Variants in IFT88 observed in about 807,000 individuals in gnomAD.
IFT88 encodes intraflagellar transport protein 88 homolog.
In IFT88, 74 loss-of-function variants were observed where a neutral mutation model predicts 119.5. That is an observed-to-expected ratio of 0.62 (90% CI 0.51 to 0.75). IFT88 has a LOEUF of 0.75. Among genes scored for constraint, IFT88 ranks in the 30% least tolerant of loss-of-function variants. The probability of loss-of-function intolerance (pLI) is 0.00; values close to 1 mark genes in which losing one functional copy is unlikely to be tolerated. For synonymous variants in IFT88, 279 were observed against 316.7 expected (o/e 0.88, Z 1.26); for missense variants, 961 against 977.7 (o/e 0.98, Z 0.23).
intron 14 of IFT88, among the ~76,000 whole-genome samples, chr13:20,617,348 A>G (rs2045796489): frequency 1.3e-5 from 2 of 151,888 alleles, no homozygotes; most frequent in Non-Finnish European, 2.9e-5. Context: ...GGAATTGTAA[A>G]CTTTAGTTGG....
rs973839736 is a variant in IFT88, at chr13:20,638,384, A to G, written c.1439A>G (p.Asp480Gly). Reference sequence around the variant, plus strand: ...TATGCAGATATAGCTGTGAACTCTGATAGATATAATCCAGCAGCTCTTACT... The same window carrying G: ...TATGCAGATATAGCTGTGAACTCTGGTAGATATAATCCAGCAGCTCTTACT... ...SSYADIAVNS[D>G]RYNPAALTNK... is the part of the protein sequence containing the mutation. The change falls in exon 17 of 26, where the codon GAT (aspartate) becomes GGT (glycine). Residue 480 changes from aspartate to glycine, a missense_variant. By Grantham distance (94) the Asp-to-Gly change is moderately conservative. Coordinates refer to ENST00000351808, the MANE Select transcript of IFT88 (RefSeq NM_006531.5). 2.0e-6 allele frequency: 3 copies of G among 1,495,208 alleles called. No individual in the cohort carries two copies. The highest frequency in any genetic ancestry group is 2.7e-6 in the Non-Finnish European group (3 of 1,126,202). 92.6% of individuals were successfully genotyped at this position (1,495,208 alleles called of 1,614,324 possible). A position where few individuals can be genotyped will look rare whatever the true frequency, so the allele number is the denominator to read the frequency against.
chr13:20,643,410 TAATG>T lies in IFT88; in HGVS notation c.1683-41_1683-38del, dbSNP rs765434251. On this transcript the variant is annotated intron_variant, in intron 18 of 25. Transcript: ENST00000351808. The stretch of plus-strand genomic sequence containing the variant: ...ATGTTTTTTAAGTTTGCTTATTGCT[TAATG>T]AATTTAGAAAACATGTTTTCCTTAA... 2.0e-6 allele frequency: 3 copies of T among 1,468,818 alleles called. No individual in the cohort carries two copies. In the Admixed American group the frequency reaches 6.1e-5, roughly 30 times the overall value. 91.0% of individuals were successfully genotyped at this position (1,468,818 alleles called of 1,614,324 possible).
At chr13:20,683,315 G>A (rs1470759538) in intron 24 of IFT88, among the ~76,000 whole-genome samples, 1 of 152,086 alleles carries the variant, frequency 6.6e-6, no homozygotes, top group Non-Finnish European at 1.5e-5. Context: ...CCTTCCGCTT[G>A]AAGCAGTTTC....
chr13:20,574,311 C>T (rs2137964327), intron 1 of IFT88, 69 bp from the exon 2 acceptor site: 1 of 791,242 alleles, frequency 1.3e-6, no homozygotes, highest in African/African-American at 1.8e-5. Context: ...CAGAGCAAGA[C>T]ATATCTCAAA....
rs1424085355 is a variant in IFT88, at chr13:20,607,361, G to T, written c.1112+2256G>T. ...CTTCTGGAAGGTGCCCATGTCCTAT[G>T]CACACACCATTAAGGCCACCATGCC... On this transcript the variant is annotated intron_variant, in intron 13 of 25. Transcript: ENST00000351808. 1.4e-5 allele frequency: 8 copies of T among 563,148 alleles called. No homozygotes were observed. In the Admixed American group the frequency reaches 1.5e-4, roughly 11 times the overall value. The allele number at this position is 563,148 out of a possible 1,614,324, so 34.9% of individuals were successfully genotyped here.
intron 6 of IFT88, 128 bp downstream of exon 6, chr13:20,591,809 T>A: frequency 1.6e-6 from 1 of 613,444 alleles, no homozygotes; most frequent in Non-Finnish European, 2.8e-6. Context: ...TGCACTGATA[T>A]TTTAGGTACC....
At position 20,638,369 on chromosome 13, in the gene IFT88, T is replaced by C. The variant is rs369442351; in HGVS notation, c.1424T>C (p.Ile475Thr). 9 of 1,449,690 alleles carry C rather than the reference T, an allele frequency of 6.2e-6. No individual in the cohort carries two copies. Among genetic ancestry groups the C allele is most frequent in the South Asian group, 3.4e-5 (2 of 59,234 alleles). The allele number at this position is 1,449,690 out of a possible 1,614,324, so 89.8% of individuals were successfully genotyped here. A position where few individuals can be genotyped will look rare whatever the true frequency, so the allele number is the denominator to read the frequency against. Residue 475 changes from isoleucine (I) to threonine (T), a missense_variant, in exon 17 of 26, where the codon ATA becomes ACA. Transcript: ENST00000351808. ...GCACAAGCCAGCAGCTATGCAGATA[T>C]AGCTGTGAACTCTGATAGATATAAT... Reference protein sequence around the residue: ...DFAQASSYADIAVNSDRYNPA... With the variant: ...DFAQASSYADTAVNSDRYNPA...
chr13:20,621,358 T>C (rs2046440883), intron 14 of IFT88, among the ~76,000 whole-genome samples: 1 of 152,076 alleles, frequency 6.6e-6, no homozygotes, highest in African/African-American at 2.4e-5. Context: ...TGAGCCACCA[T>C]GCCCGGCCGA....
chr13:20,616,419 T>C (rs2045617035), intron 14 of IFT88, among the ~76,000 whole-genome samples: 1 of 152,240 alleles, frequency 6.6e-6, no homozygotes, highest in African/African-American at 2.4e-5. Flanking sequence ...CATATTTTAA[T>C]TGTACCTTTT....
chr13:20,610,358 G>A (rs1046980754), intron 13 of IFT88, among the ~76,000 whole-genome samples: 2 of 152,058 alleles, frequency 1.3e-5, no homozygotes, highest in African/African-American at 4.8e-5. Context: ...ATCTTGAAGG[G>A]TATTATTTTT....
chr13:20,628,071 G>A (rs910452728), intron 15 of IFT88, among the ~76,000 whole-genome samples: 1 of 152,114 alleles, frequency 6.6e-6, no homozygotes, highest in Non-Finnish European at 1.5e-5. Context: ...ATATTATTAA[G>A]TGAAAAAGGA....
intron 15 of IFT88, among the ~76,000 whole-genome samples, chr13:20,628,787 T>C (rs2047734422): frequency 6.6e-6 from 1 of 152,170 alleles, no homozygotes; most frequent in African/African-American, 2.4e-5. Flanking sequence ...CTTTGCCAAG[T>C]TTTTTAAGTA....
intron 7 of IFT88, among the ~76,000 whole-genome samples, chr13:20,594,302 G>C (rs1566113153): frequency 1.3e-5 from 2 of 152,116 alleles, no homozygotes; most frequent in Admixed American, 1.3e-4. Flanking sequence ...GAGGCAGAAT[G>C]TTCCTAGTCT....
At chr13:20,598,572 T>G in intron 9 of IFT88, 79 bp from the exon 10 acceptor site, 4 of 772,462 alleles carry the variant, frequency 5.2e-6, no homozygotes, top group Non-Finnish European at 8.6e-6. Context: ...GTTATAGGAT[T>G]TTAATCTCTA....
intron 3 of IFT88, among the ~76,000 whole-genome samples, chr13:20,589,027 C>T (rs1006314130): frequency 2.0e-5 from 3 of 152,170 alleles, no homozygotes; most frequent in African/African-American, 7.2e-5. Flanking sequence ...TTGGAATTAA[C>T]AGATGCCTCT....
chr13:20,591,517 A>AT (rs2040673708), intron 5 of IFT88, 101 bp from the exon 6 acceptor site: 9 of 782,684 alleles, frequency 1.1e-5, no homozygotes, highest in Non-Finnish European at 1.6e-5. Context: ...GAAAATCAGC[A>AT]TTTTTTTAAA....
chr13:20,671,959 T>TGCCAAACACTGTGC (rs1227133318), intron 24 of IFT88, among the ~76,000 whole-genome samples: 1 of 152,136 alleles, frequency 6.6e-6, no homozygotes, highest in East Asian at 1.9e-4. Flanking sequence ...GCATACTGTG[T>TGCCAAACACTGTGC]GCCAAACACT....
chr13:20,594,951 T>A (rs1277541480), intron 7 of IFT88, among the ~76,000 whole-genome samples: 1 of 152,238 alleles, frequency 6.6e-6, no homozygotes, highest in African/African-American at 2.4e-5. Context: ...AAATTTTATT[T>A]AGGCATTGAT....
At position 20,599,709 on chromosome 13, in the gene IFT88, C is replaced by T. The variant is rs2042285546; in HGVS notation, c.812+144C>T. 17 of 543,894 alleles carry T rather than the reference C, an allele frequency of 3.1e-5. No homozygotes were observed. The East Asian group carries it at 5.6e-4, about 18-fold the overall frequency. 33.7% of individuals were successfully genotyped at this position (543,894 alleles called of 1,614,324 possible). A position where few individuals can be genotyped will look rare whatever the true frequency, so the allele number is the denominator to read the frequency against. On this transcript the variant is annotated intron_variant, in intron 11 of 25. Coordinates refer to ENST00000351808, the MANE Select transcript of IFT88 (RefSeq NM_006531.5). ...TACGTGTAGTATTTTGATCTGTTCC[C>T]TTCTTACTACTTGTACACATTTTTA...
Sources: allele counts gnomAD v4.1 joint callset (sites outside exome capture counted in the v4.1 genomes callset), GRCh38; gene constraint gnomAD v4.1.1; transcripts MANE v1.5; gene names NCBI Gene and HGNC (gene_info 2026-07-23, HGNC 2026-07-21).